The following MAN2A1 variants were observed in gnomAD, a reference collection of about 807,000 sequenced individuals.
MAN2A1 encodes mannosidase alpha class 2A member 1.
In MAN2A1, 76 loss-of-function variants were observed where a neutral mutation model predicts 142.6. The observed-to-expected ratio is 0.53, with a 90% confidence interval of 0.44 to 0.65. MAN2A1 has a LOEUF of 0.65. Ranked by LOEUF, MAN2A1 falls within the 30% of genes least tolerant of loss-of-function variation. The pLI is 0.00. For synonymous variants in MAN2A1, 559 were observed against 473.2 expected, an observed-to-expected ratio of 1.18 and a Z score of -2.35; for missense variants, 1,311 against 1,365.1, an observed-to-expected ratio of 0.96 and a Z score of 0.62.
intron 12 of MAN2A1, among the ~76,000 whole-genome samples, chr5:109,803,641 T>G (rs1289946869): frequency 6.6e-6 from 1 of 152,046 alleles, no homozygotes; most frequent in African/African-American, 2.4e-5. Context: ...CCATGTATAA[T>G]GGATAAAGGA....
intron 20 of MAN2A1, among the ~76,000 whole-genome samples, chr5:109,859,660 C>T (rs937241364): frequency 4.6e-5 from 7 of 152,128 alleles, no homozygotes; most frequent in Non-Finnish European, 1.0e-4. Context: ...ATGCAAAAGC[C>T]TTGTCATCAG....
intron 12 of MAN2A1, among the ~76,000 whole-genome samples, chr5:109,808,847 A>G (rs1401781416): frequency 6.6e-6 from 1 of 151,568 alleles, no homozygotes; most frequent in African/African-American, 2.4e-5. Flanking sequence ...GGGACTACAC[A>G]CACGCACCAC....
At chr5:109,810,559 A>G (rs546127388) in intron 12 of MAN2A1, among the ~76,000 whole-genome samples, 1 of 152,284 alleles carries the variant, frequency 6.6e-6, no homozygotes, top group Admixed American at 6.5e-5. Flanking sequence ...GTCGTAATGA[A>G]AAAATCAACT....
chr5:109,777,069 A>G (rs551552765), intron 8 of MAN2A1, among the ~76,000 whole-genome samples: 18 of 152,048 alleles, frequency 1.2e-4, no homozygotes, highest in African/African-American at 3.1e-4. Flanking sequence ...TATTTTGTCC[A>G]TGTTTTGGTT....
intron 4 of MAN2A1, among the ~76,000 whole-genome samples, chr5:109,730,873 A>T (rs1163167652): frequency 6.6e-6 from 1 of 152,126 alleles, no homozygotes; most frequent in Non-Finnish European, 1.5e-5. Context: ...ACACTGCGCC[A>T]TCCTGCCTTC....
chr5:109,827,641 G>A (rs922827226), intron 16 of MAN2A1, among the ~76,000 whole-genome samples: 1 of 152,170 alleles, frequency 6.6e-6, no homozygotes, highest in Non-Finnish European at 1.5e-5. Context: ...AAGTGCAGTT[G>A]AAGGGCTCTC....
chr5:109,842,987 G>A (rs549713370), intron 17 of MAN2A1, among the ~76,000 whole-genome samples: 2 of 151,834 alleles, frequency 1.3e-5, no homozygotes, highest in African/African-American at 4.8e-5. Context: ...TGTATTTTTA[G>A]CAGAGACACG....
chr5:109,731,234 T>C (rs1056353073), intron 4 of MAN2A1, among the ~76,000 whole-genome samples: 5 of 151,982 alleles, frequency 3.3e-5, no homozygotes, highest in African/African-American at 1.2e-4. Flanking sequence ...AATTCTCCTC[T>C]TTTAGTTATT....
At chr5:109,716,558 GT>G (rs1449201965) in intron 3 of MAN2A1, among the ~76,000 whole-genome samples, 1 of 152,116 alleles carries the variant, frequency 6.6e-6, no homozygotes, top group Admixed American at 6.5e-5. Flanking sequence ...GTTCATTTTA[GT>G]AACTTTTTAA....
chr5:109,789,582 GT>G, intron 12 of MAN2A1, 55 bp downstream of exon 12: 1 of 1,257,338 alleles, frequency 8.0e-7, no homozygotes, highest in Non-Finnish European at 1.1e-6. Flanking sequence ...ATAGTTTTTG[GT>G]TTTATGGTTC....
intron 12 of MAN2A1, among the ~76,000 whole-genome samples, chr5:109,814,163 A>G (rs1289936300): frequency 1.3e-5 from 2 of 152,306 alleles, no homozygotes; most frequent in East Asian, 3.9e-4. Flanking sequence ...TACAGCTAAA[A>G]TTGAAATTAA....
At chr5:109,780,546 GTGTA>G (rs770515891) in intron 8 of MAN2A1, among the ~76,000 whole-genome samples, 18 of 149,404 alleles carry the variant, frequency 1.2e-4, no homozygotes, top group African/African-American at 4.0e-4. Context: ...GTGTGTGTGT[GTGTA>G]TGTGTGTAGG....
chr5:109,748,845 T>A (rs1752473756), intron 4 of MAN2A1, among the ~76,000 whole-genome samples: 2 of 151,910 alleles, frequency 1.3e-5, no homozygotes, highest in South Asian at 4.2e-4. Flanking sequence ...GTCAACAATG[T>A]TCAAAAGTAT....
At chr5:109,711,608 C>T (rs13153918) in intron 1 of MAN2A1, among the ~76,000 whole-genome samples, 21,729 of 152,148 alleles carry the variant, frequency 0.14, 2,554 homozygotes, top group East Asian at 0.64. Flanking sequence ...CTCGACAGCT[C>T]TGAGGATCTG....
rs772625631 is a variant in MAN2A1 at position 109,789,435 on chromosome 5, A to T, written c.1876-25A>T. 2.7e-5 allele frequency: 39 copies of T among 1,418,664 alleles called. No homozygotes were observed. In the East Asian group the frequency reaches 3.1e-4, roughly 11 times the overall value. 87.9% of individuals were successfully genotyped at this position (1,418,664 alleles called of 1,614,324 possible). On this transcript the variant is annotated intron_variant, in intron 11 of 21. Transcript: ENST00000261483. Reference sequence around the variant, plus strand: ...AGTCCATGGAGTGTTAAGTAAAATTAAAAAATTACTGTTCATTTTTATAGG... The same window carrying T: ...AGTCCATGGAGTGTTAAGTAAAATTTAAAAATTACTGTTCATTTTTATAGG...
At chr5:109,750,886 A>G (rs1752526522) in intron 4 of MAN2A1, among the ~76,000 whole-genome samples, 1 of 152,072 alleles carries the variant, frequency 6.6e-6, no homozygotes, top group Non-Finnish European at 1.5e-5. Flanking sequence ...TTTATGGGGT[A>G]TAGGTGATAT....
At chr5:109,842,851 G>A (rs899446306) in intron 17 of MAN2A1, among the ~76,000 whole-genome samples, 14 of 135,270 alleles carry the variant, frequency 1.0e-4, no homozygotes, top group Non-Finnish European at 9.4e-5. Context: ...TGTTGCCCAG[G>A]CTGGAGTGCA....
chr5:109,808,113 G>A (rs997008595), intron 12 of MAN2A1, among the ~76,000 whole-genome samples: 1 of 152,152 alleles, frequency 6.6e-6, no homozygotes, highest in Non-Finnish European at 1.5e-5. Flanking sequence ...TTTTAGAGAT[G>A]CACTTTACTG....
At chr5:109,745,867 T>C (rs576452362) in intron 4 of MAN2A1, among the ~76,000 whole-genome samples, 36 of 152,222 alleles carry the variant, frequency 2.4e-4, no homozygotes, top group Non-Finnish European at 3.8e-4. Context: ...TCCTCCTGCA[T>C]TGGTCTCCCA....
Sources: allele counts gnomAD v4.1 joint callset (sites outside exome capture counted in the v4.1 genomes callset), GRCh38; gene constraint gnomAD v4.1.1; transcripts MANE v1.5; gene names NCBI Gene and HGNC (gene_info 2026-07-23, HGNC 2026-07-21).